Variants in ADGRG1 observed in about 807,000 individuals in gnomAD.
ADGRG1 encodes the protein adhesion G protein-coupled receptor G1.
ADGRG1 carries 53 observed loss-of-function variants against 73.5 expected under a neutral mutation model. The ratio of observed to expected loss-of-function variants is 0.72; its 90% CI spans 0.58 to 0.91. The LOEUF is 0.91. Among genes scored for constraint, ADGRG1 ranks in the 40% least tolerant of loss-of-function variants. The probability of loss-of-function intolerance (pLI) is 0.00; values close to 1 mark genes in which losing one functional copy is unlikely to be tolerated. For synonymous variants in ADGRG1, 394 were observed against 374.4 expected, an observed-to-expected ratio of 1.05 and a Z score of -0.60; for missense variants, 795 against 871.8, an observed-to-expected ratio of 0.91 and a Z score of 1.11.
chr16:57,626,963 C>T (rs1046502632), upstream of ADGRG1: 1 of 985,564 alleles, frequency 1.0e-6, no homozygotes, highest in African/African-American at 1.7e-5. Flanking sequence ...CCCACTGCAG[C>T]CCCGGGAGAG....
At chr16:57,628,604 C>A, upstream of ADGRG1, 1 of 985,540 alleles carries the variant, frequency 1.0e-6, no homozygotes, top group Non-Finnish European at 1.2e-6. Flanking sequence ...GTCTCCCCAC[C>A]AAACAAACCC....
At chr16:57,633,541 G>A (rs1216899178) in intron 1 of ADGRG1, 6 of 984,298 alleles carry the variant, frequency 6.1e-6, no homozygotes, top group Admixed American at 1.2e-4. Flanking sequence ...GAGGTGGGCT[G>A]TTAGGGGTGT....
At chr16:57,631,455 G>A (rs1338970243) in intron 1 of ADGRG1, 14 of 985,254 alleles carry the variant, frequency 1.4e-5, no homozygotes, top group Middle Eastern at 5.2e-4. Flanking sequence ...GGAGGAGGCC[G>A]TGGGGAAGTC....
intron 5 of ADGRG1, 178 bp from the exon 6 acceptor site, chr16:57,655,221 T>TG: frequency 1.0e-6 from 1 of 985,338 alleles, no homozygotes; most frequent in African/African-American, 1.7e-5. Context: ...CAGCCAGAGC[T>TG]GGTAGCAGGG....
intron 3 of ADGRG1, chr16:57,652,618 A>G (rs1479694964): frequency 1.0e-6 from 1 of 984,988 alleles, no homozygotes; most frequent in Non-Finnish European, 1.2e-6. Context: ...GGGATTTCAA[A>G]TCACCTAAAA....
At chr16:57,644,659 TCA>T (rs1428340369) in intron 1 of ADGRG1, among the ~76,000 whole-genome samples, 5 of 127,856 alleles carry the variant, frequency 3.9e-5, no homozygotes, top group Admixed American at 8.8e-5. Flanking sequence ...CGCACACTCA[TCA>T]CACACTCCTC....
chr16:57,632,348 G>A, intron 1 of ADGRG1: 1 of 982,958 alleles, frequency 1.0e-6, no homozygotes, highest in South Asian at 4.7e-5. Flanking sequence ...TCTGGTTGTG[G>A]GAACATGGGC....
chr16:57,625,933 C>G (rs1042403034), upstream of ADGRG1, among the ~76,000 whole-genome samples: 1 of 152,194 alleles, frequency 6.6e-6, no homozygotes, highest in Non-Finnish European at 1.5e-5. Context: ...TTTATCGAAG[C>G]CCCCTTCTTC....
At chr16:57,630,839 A>G (rs1222580721) in intron 1 of ADGRG1, 4 of 523,276 alleles carry the variant, frequency 7.6e-6, no homozygotes, top group East Asian at 1.5e-4. Flanking sequence ...GTCCTAGTGG[A>G]GGAAACTACT....
At chr16:57,624,049 C>A, upstream of ADGRG1, 2 of 295,930 alleles carry the variant, frequency 6.8e-6, no homozygotes, top group Non-Finnish European at 1.0e-5. Context: ...GAGTTCTGGG[C>A]CTTTGGCATT....
At chr16:57,653,069 G>C in intron 3 of ADGRG1, 134 bp from the exon 4 acceptor site, 4 of 1,562,150 alleles carry the variant, frequency 2.6e-6, no homozygotes, top group Non-Finnish European at 3.4e-6. Context: ...TCTGCTTCTT[G>C]AAGCCTCAGT....
intron 1 of ADGRG1, chr16:57,645,368 C>A: frequency 1.0e-6 from 1 of 953,274 alleles, no homozygotes; most frequent in Non-Finnish European, 1.2e-6. Flanking sequence ...GCTCCCTTCC[C>A]ACCCCACCAC....
At chr16:57,620,140 A>G (rs2034487514), upstream of ADGRG1, 1 of 152,002 alleles carries the variant, frequency 6.6e-6, no homozygotes, top group African/African-American at 2.4e-5. Flanking sequence ...CCTGGAGGTA[A>G]GAGACGGGTG....
intron 3 of ADGRG1, chr16:57,651,858 A>G: frequency 1.4e-6 from 2 of 1,438,492 alleles, no homozygotes; most frequent in South Asian, 2.9e-5. Flanking sequence ...CTTTGTGGGC[A>G]GGCAGGGGTG....
chr16:57,625,411 C>A, upstream of ADGRG1: 1 of 170,674 alleles, frequency 5.9e-6, no homozygotes, highest in Non-Finnish European at 1.2e-5. Context: ...TCTCCTCGGT[C>A]CCCACCTTCA....
chr16:57,626,718 G>A (rs2035903708), upstream of ADGRG1: 1 of 984,160 alleles, frequency 1.0e-6, no homozygotes, highest in South Asian at 4.7e-5. Context: ...TGGGGTGTGT[G>A]TGTGGTGGTG....
rs934169701 is a variant in ADGRG1 at position 57,637,248 on chromosome 16, A to G, written c.-36+8446A>G. 3 of 920,440 alleles carry G rather than the reference A, an allele frequency of 3.3e-6. No individual in the cohort carries two copies. The African/African-American group carries it at 5.4e-5, about 16-fold the overall frequency. 57.0% of individuals were successfully genotyped at this position (920,440 alleles called of 1,614,324 possible). A position where few individuals can be genotyped will look rare whatever the true frequency, so the allele number is the denominator to read the frequency against. Reference sequence around the variant, plus strand: ...CTTCATCATTTCAGTCCCCGCCCCGACCCTGGTCGGGAATGTTGTAGGTGT... The same window carrying G: ...CTTCATCATTTCAGTCCCCGCCCCGGCCCTGGTCGGGAATGTTGTAGGTGT... On this transcript the variant is annotated intron_variant, in intron 1 of 13. Transcript: ENST00000562631.
At chr16:57,643,678 C>G in intron 1 of ADGRG1, 1 of 985,196 alleles carries the variant, frequency 1.0e-6, no homozygotes, top group Non-Finnish European at 1.2e-6. Flanking sequence ...TCATTTTATT[C>G]TCCTTTATTG....
chr16:57,624,433 T>C (rs1432222783), upstream of ADGRG1, among the ~76,000 whole-genome samples: 4 of 152,060 alleles, frequency 2.6e-5, no homozygotes, highest in Non-Finnish European at 5.9e-5. Context: ...CCCAGGAGAT[T>C]GAGGCTGTAG....
Sources: allele counts gnomAD v4.1 joint callset (sites outside exome capture counted in the v4.1 genomes callset), GRCh38; gene constraint gnomAD v4.1.1; transcripts MANE v1.5; gene names NCBI Gene and HGNC (gene_info 2026-07-23, HGNC 2026-07-21).